The following RAB3C variants were observed in gnomAD, a reference collection of about 807,000 sequenced individuals.
RAB3C encodes RAB3C, member RAS oncogene family, also known as ras-related protein Rab-3C.
RAB3C carries 17 observed loss-of-function variants against 26.4 expected under a neutral mutation model. The ratio of observed to expected loss-of-function variants is 0.64; its 90% CI spans 0.44 to 0.97. The LOEUF (loss-of-function observed/expected upper bound fraction) is 0.97, where lower values mean the gene tolerates loss of function less well. Among genes scored for constraint, RAB3C ranks in the 50% least tolerant of loss-of-function variants. The pLI is 0.00. For synonymous variants in RAB3C, 91 were observed against 95.9 expected (o/e 0.95, Z 0.30); for missense variants, 242 against 281.9 (o/e 0.86, Z 1.01).
intron 3 of RAB3C, among the ~76,000 whole-genome samples, chr5:58,745,741 T>G (rs1741389967): frequency 6.6e-6 from 1 of 152,228 alleles, no homozygotes; most frequent in African/African-American, 2.4e-5. Flanking sequence ...GCACTGTCCC[T>G]TATATATCTT....
intron 2 of RAB3C, among the ~76,000 whole-genome samples, chr5:58,646,259 A>G (rs1009235771): frequency 6.6e-6 from 1 of 152,182 alleles, no homozygotes; most frequent in Non-Finnish European, 1.5e-5. Context: ...AACTGACACA[A>G]ACAGCTTCTA....
chr5:58,584,677 T>C (rs558681477), intron 1 of RAB3C, among the ~76,000 whole-genome samples: 2 of 152,320 alleles, frequency 1.3e-5, no homozygotes, highest in South Asian at 4.1e-4. Context: ...TGTATATGTA[T>C]ATTAAAACAT....
At chr5:58,597,024 T>G (rs1372578425) in intron 1 of RAB3C, among the ~76,000 whole-genome samples, 1 of 95,810 alleles carries the variant, frequency 1.0e-5, no homozygotes, top group Non-Finnish European at 1.8e-5. Flanking sequence ...TATAATAATA[T>G]AATACATAAT....
At chr5:58,685,972 AAAT>A (rs147788796) in intron 2 of RAB3C, among the ~76,000 whole-genome samples, 15,434 of 152,182 alleles carry the variant, frequency 0.1, 1,071 homozygotes, top group Non-Finnish European at 0.16. Context: ...AATCTGCAGG[AAAT>A]AATTTTAAAA....
At chr5:58,775,472 G>C (rs543305940) in intron 3 of RAB3C, among the ~76,000 whole-genome samples, 2 of 152,084 alleles carry the variant, frequency 1.3e-5, no homozygotes, top group South Asian at 4.2e-4. Context: ...CTTCAAGCAG[G>C]GTTTGCAGAC....
At chr5:58,796,182 T>A (rs1385685771) in intron 3 of RAB3C, among the ~76,000 whole-genome samples, 1 of 152,228 alleles carries the variant, frequency 6.6e-6, no homozygotes, top group East Asian at 1.9e-4. Context: ...TTATGGTGTT[T>A]GCTCCAAGTG....
intron 3 of RAB3C, among the ~76,000 whole-genome samples, chr5:58,791,359 G>T (rs938853373): frequency 2.6e-5 from 4 of 152,184 alleles, no homozygotes; most frequent in African/African-American, 9.7e-5. Context: ...TGGGAGAAGG[G>T]TGAATACACA....
chr5:58,689,226 C>G (rs1486489527), intron 2 of RAB3C: 2 of 152,110 alleles, frequency 1.3e-5, no homozygotes, highest in Non-Finnish European at 2.9e-5. Context: ...TATACTACCT[C>G]TTATGCGAAG....
At chr5:58,801,994 G>A (rs1021260953) in intron 3 of RAB3C, among the ~76,000 whole-genome samples, 37 of 152,322 alleles carry the variant, frequency 2.4e-4, no homozygotes, top group African/African-American at 7.5e-4. Context: ...TAATATGGAT[G>A]TGTGAACATT....
intron 3 of RAB3C, among the ~76,000 whole-genome samples, chr5:58,752,827 A>G (rs1177834592): frequency 6.6e-6 from 1 of 152,136 alleles, no homozygotes; most frequent in Non-Finnish European, 1.5e-5. Flanking sequence ...ATGTAATCAT[A>G]TGCTAGCTTG....
At chr5:58,745,258 C>T (rs1347656939) in intron 3 of RAB3C, among the ~76,000 whole-genome samples, 2 of 151,752 alleles carry the variant, frequency 1.3e-5, no homozygotes, top group Non-Finnish European at 2.9e-5. Context: ...ATTAGCCGGG[C>T]ATAGTGGCGG....
chr5:58,816,141 T>TC (rs1296712667), intron 3 of RAB3C, among the ~76,000 whole-genome samples: 1 of 151,994 alleles, frequency 6.6e-6, no homozygotes, highest in Non-Finnish European at 1.5e-5. Flanking sequence ...CTAAGACAAA[T>TC]CCCCTCTTAG....
At chr5:58,737,448 TA>T (rs779185979) in intron 3 of RAB3C, among the ~76,000 whole-genome samples, 4 of 31,318 alleles carry the variant, frequency 1.3e-4, no homozygotes, top group Admixed American at 3.6e-4. Context: ...TATATATATA[TA>T]ATTTACTTGT....
chr5:58,589,291 T>C (rs1030134772), intron 1 of RAB3C, among the ~76,000 whole-genome samples: 25 of 152,190 alleles, frequency 1.6e-4, no homozygotes, highest in African/African-American at 6.0e-4. Flanking sequence ...TTGTCCTTTC[T>C]ATATATAGCT....
In RAB3C at chr5:58,853,916, A is replaced by C. The variant is rs986595401; in HGVS notation, c.*2565A>C. ...TGCATCAAAAAATCCGGGTTTTAAC[A>C]TCAAATTTGGCAAATGGTGGGACCA... On this transcript the variant is annotated 3_prime_UTR_variant, in exon 5 of 5. Coordinates refer to ENST00000282878, the MANE Select transcript of RAB3C (RefSeq NM_138453.4). 6.6e-6 allele frequency: 1 copy of C among 152,116 alleles called. No homozygotes were observed. Among genetic ancestry groups the C allele is most frequent in the Non-Finnish European group, 1.5e-5 (1 of 68,028 alleles). The allele number at this position is 152,116 out of a possible 1,614,324, so 9.4% of individuals were successfully genotyped here. A position where few individuals can be genotyped will look rare whatever the true frequency, so the allele number is the denominator to read the frequency against.
At chr5:58,840,882 A>G (rs187200341) in intron 4 of RAB3C, among the ~76,000 whole-genome samples, 113 of 152,272 alleles carry the variant, frequency 7.4e-4, no homozygotes, top group Non-Finnish European at 1.4e-3. Flanking sequence ...GGTTGGAGCT[A>G]TGGTACTGTT....
At chr5:58,600,569 A>G (rs1307179047) in intron 1 of RAB3C, among the ~76,000 whole-genome samples, 4 of 152,010 alleles carry the variant, frequency 2.6e-5, no homozygotes, top group African/African-American at 9.7e-5. Flanking sequence ...TCGGTTAGGT[A>G]TATTCCTAAG....
chr5:58,823,329 G>A, intron 3 of RAB3C: 1 of 179,818 alleles, frequency 5.6e-6, no homozygotes, highest in Non-Finnish European at 1.2e-5. Context: ...AGACCAGCCT[G>A]GACAACATGG....
At chr5:58,739,356 T>C (rs1448101822) in intron 3 of RAB3C, among the ~76,000 whole-genome samples, 1 of 152,200 alleles carries the variant, frequency 6.6e-6, no homozygotes, top group African/African-American at 2.4e-5. Context: ...CTATGTATTT[T>C]CAAGTCTTTG....
Sources: allele counts gnomAD v4.1 joint callset (sites outside exome capture counted in the v4.1 genomes callset), GRCh38; gene constraint gnomAD v4.1.1; transcripts MANE v1.5; gene names NCBI Gene and HGNC (gene_info 2026-07-23, HGNC 2026-07-21).